The following ATP11B variants were observed in gnomAD, a reference collection of about 807,000 sequenced individuals.
ATP11B encodes the protein phospholipid-transporting ATPase IF.
In ATP11B, 81 loss-of-function variants were observed where a neutral mutation model predicts 157.8. That is an observed-to-expected ratio of 0.51 (90% CI 0.43 to 0.62). The LOEUF (loss-of-function observed/expected upper bound fraction) is 0.62. Ranked by LOEUF, ATP11B falls within the 20% of genes least tolerant of loss-of-function variation. The probability of loss-of-function intolerance (pLI) is 0.00; values close to 1 mark genes in which losing one functional copy is unlikely to be tolerated. For synonymous variants in ATP11B, 451 were observed against 469.4 expected (o/e 0.96, Z 0.51); for missense variants, 1,165 against 1,402.2 (o/e 0.83, Z 2.70).
At chr3:182,877,244 A>C (rs1722107737) in intron 19 of ATP11B, among the ~76,000 whole-genome samples, 1 of 152,204 alleles carries the variant, frequency 6.6e-6, no homozygotes, top group Admixed American at 6.5e-5. Context: ...GACCAGGGGT[A>C]CCAGGGAGAG....
intron 1 of ATP11B, among the ~76,000 whole-genome samples, chr3:182,803,042 T>C (rs1431898826): frequency 2.0e-5 from 3 of 152,212 alleles, no homozygotes; most frequent in Admixed American, 2.0e-4. Flanking sequence ...GCCAATTTTT[T>C]CCTGTTACAA....
chr3:182,915,523 T>G (rs1725079545), intron 29 of ATP11B: 1 of 981,398 alleles, frequency 1.0e-6, no homozygotes, highest in African/African-American at 1.7e-5. Flanking sequence ...AGATAGGAGT[T>G]AGACTAAGAT....
At chr3:182,889,110 C>G (rs1379549718) in intron 24 of ATP11B, among the ~76,000 whole-genome samples, 2 of 151,776 alleles carry the variant, frequency 1.3e-5, no homozygotes, top group Non-Finnish European at 2.9e-5. Context: ...ATCCGCCCAC[C>G]TTGGCCTCCC....
At chr3:182,805,963 C>A (rs1387536341) in intron 1 of ATP11B, among the ~76,000 whole-genome samples, 1 of 152,114 alleles carries the variant, frequency 6.6e-6, no homozygotes, top group Non-Finnish European at 1.5e-5. Flanking sequence ...TTTTATTTAG[C>A]ACAAGGATTT....
At chr3:182,903,927 T>A (rs1724150318) in intron 28 of ATP11B, among the ~76,000 whole-genome samples, 1 of 152,146 alleles carries the variant, frequency 6.6e-6, no homozygotes, top group African/African-American at 2.4e-5. Context: ...TTAAACCACT[T>A]TTTTTTAGCA....
intron 10 of ATP11B, among the ~76,000 whole-genome samples, chr3:182,848,794 C>T (rs1198762362): frequency 6.6e-6 from 1 of 151,940 alleles, no homozygotes; most frequent in East Asian, 1.9e-4. Flanking sequence ...GGTGGAATCA[C>T]TTAATCACAC....
intron 9 of ATP11B, among the ~76,000 whole-genome samples, chr3:182,847,137 G>A (rs1258381628): frequency 6.8e-6 from 1 of 146,138 alleles, no homozygotes; most frequent in East Asian, 2.0e-4. Context: ...TGCAACCTCT[G>A]CCTCCCGGGT....
chr3:182,807,385 C>T (rs1716390341), intron 1 of ATP11B, among the ~76,000 whole-genome samples: 1 of 152,114 alleles, frequency 6.6e-6, no homozygotes, highest in Non-Finnish European at 1.5e-5. Context: ...CAGCCATGGC[C>T]ATTCTCAAGG....
At chr3:182,840,374 G>A (rs1718912107) in intron 7 of ATP11B, among the ~76,000 whole-genome samples, 1 of 151,890 alleles carries the variant, frequency 6.6e-6, no homozygotes, top group South Asian at 2.1e-4. Flanking sequence ...CTTACCTTTC[G>A]CTATCTACCC....
At chr3:182,844,599 T>TG in intron 8 of ATP11B, 1 of 974,452 alleles carries the variant, frequency 1.0e-6, no homozygotes, top group Non-Finnish European at 1.2e-6. Context: ...GCAATGCAAG[T>TG]AGTCAAGTTA....
At chr3:182,902,651 A>C in intron 28 of ATP11B, 1 of 825,442 alleles carries the variant, frequency 1.2e-6, no homozygotes, top group African/African-American at 1.8e-5. Flanking sequence ...CAGAGGCATA[A>C]ATAAAGAGCG....
At chr3:182,827,637 CTTT>C in intron 2 of ATP11B, among the ~76,000 whole-genome samples, 2 of 151,720 alleles carry the variant, frequency 1.3e-5, no homozygotes, top group South Asian at 4.2e-4. Context: ...ATTTCTATTT[CTTT>C]AACATTCTAG....
At chr3:182,821,918 C>G (rs1293932067) in intron 2 of ATP11B, among the ~76,000 whole-genome samples, 1 of 152,208 alleles carries the variant, frequency 6.6e-6, no homozygotes, top group Non-Finnish European at 1.5e-5. Flanking sequence ...CTAACCTCGT[C>G]TTTCCCAAGG....
intron 19 of ATP11B, among the ~76,000 whole-genome samples, chr3:182,874,386 A>G (rs960835263): frequency 7.2e-5 from 11 of 152,208 alleles, no homozygotes; most frequent in African/African-American, 2.4e-4. Flanking sequence ...TGAGATACAT[A>G]TAATGTGATA....
intron 29 of ATP11B, chr3:182,916,924 C>T: frequency 4.1e-6 from 4 of 982,174 alleles, no homozygotes; most frequent in Non-Finnish European, 1.2e-6. Context: ...AAGAAATTTT[C>T]ATCTTCTCAT....
At position 182,914,426 on chromosome 3, in the gene ATP11B, C is replaced by T. The variant is rs149577080; in HGVS notation, c.3452+432C>T. 1.3e-4 allele frequency: 129 copies of T among 985,646 alleles called. No homozygotes were observed. In the African/African-American group the frequency reaches 2.1e-3, roughly 16 times the overall value. The allele number at this position is 985,646 out of a possible 1,614,324, so 61.1% of individuals were successfully genotyped here. On this transcript the variant is annotated intron_variant, in intron 29 of 29. Transcript: ENST00000323116. ...GAAGTCAAAGGCTTTCCTTTTCTTA[C>T]TCTGTATGTATATTTTCCAGTTGGT...
chr3:182,841,063 C>T (rs1273107562), intron 7 of ATP11B, among the ~76,000 whole-genome samples: 1 of 152,028 alleles, frequency 6.6e-6, no homozygotes, highest in African/African-American at 2.4e-5. Context: ...ATACACTGAC[C>T]TCCTTAGTTT....
intron 23 of ATP11B, among the ~76,000 whole-genome samples, chr3:182,886,602 T>C (rs1386301031): frequency 6.6e-6 from 1 of 152,162 alleles, no homozygotes; most frequent in Non-Finnish European, 1.5e-5. Context: ...TGATCTACTT[T>C]GTTTTAATTT....
chr3:182,826,786 A>G (rs1449775133), intron 2 of ATP11B, among the ~76,000 whole-genome samples: 2 of 152,140 alleles, frequency 1.3e-5, no homozygotes, highest in Admixed American at 1.3e-4. Flanking sequence ...CTGGGAACCT[A>G]ACTCTGTTTA....
Sources: gnomAD v4.1 joint callset for allele counts (sites outside exome capture counted in the v4.1 genomes callset) on GRCh38, gnomAD v4.1.1 for gene constraint, MANE v1.5 for transcripts, NCBI Gene and HGNC (gene_info 2026-07-23, HGNC 2026-07-21) for gene names.